DESI2: variants seen among roughly 807,000 people sequenced by gnomAD.
DESI2 encodes deubiquitinase DESI2.
Under a neutral mutation model 24.1 loss-of-function variants are expected in DESI2, and 10 were observed. That is an observed-to-expected ratio of 0.41 (90% CI 0.26 to 0.70). DESI2 has a LOEUF of 0.70. Ranked by LOEUF, DESI2 falls within the 30% of genes least tolerant of loss-of-function variation. DESI2 has a pLI of 0.29. For missense variants in DESI2, 122 were observed against 234.9 expected, an observed-to-expected ratio of 0.52 and a Z score of 3.14; for synonymous variants, 71 against 87.7, an observed-to-expected ratio of 0.81 and a Z score of 1.06.
chr1:244,657,932 G>A (rs1675704177), intron 1 of DESI2, among the ~76,000 whole-genome samples: 1 of 152,252 alleles, frequency 6.6e-6, no homozygotes, highest in Non-Finnish European at 1.5e-5. Context: ...AGCTGAGTAA[G>A]TGGATATCTG....
At chr1:244,665,747 G>A (rs1446130786) in intron 1 of DESI2, among the ~76,000 whole-genome samples, 1 of 152,206 alleles carries the variant, frequency 6.6e-6, no homozygotes, top group Admixed American at 6.5e-5. Context: ...TTTGGCTCCA[G>A]ACAAGCTGCA....
rs1677808582 is a variant in DESI2 at position 244,708,749 on chromosome 1, CTT to C, written c.*2962_*2963del. ...AGCTAGCCATACAACCATTGTATCT[CTT>C]TCTCTTCAGTATGGTTTAGAGCCCA... On this transcript the variant is annotated 3_prime_UTR_variant, in exon 5 of 5. Transcript: ENST00000302550. The C allele has an allele frequency of 6.6e-6, 1 of 152,624 alleles. No individual in the cohort carries two copies. The highest frequency in any genetic ancestry group is 1.5e-5 in the Non-Finnish European group (1 of 68,052). The allele number at this position is 152,624 out of a possible 1,614,324, so 9.5% of individuals were successfully genotyped here. A position where few individuals can be genotyped will look rare whatever the true frequency, so the allele number is the denominator to read the frequency against.
At position 244,696,745 on chromosome 1, in the gene DESI2, T is replaced by A. The variant is rs1473495795; in HGVS notation, c.351+4725T>A. On this transcript the variant is annotated intron_variant, in intron 4 of 4. Transcript: ENST00000302550. ...CTGCAGGATTGGTCCTGAGCTGGCA[T>A]CTGCGAGCTTGGACTTCTGTAAGGT... 2.0e-5 allele frequency among the ~76,000 whole-genome samples: 3 copies of A among 152,246 alleles called. No individual in the cohort carries two copies. The East Asian group carries it at 5.8e-4, about 29-fold the overall frequency.
chr1:244,680,355 C>T (rs538415842), intron 1 of DESI2, among the ~76,000 whole-genome samples: 1 of 151,898 alleles, frequency 6.6e-6, no homozygotes, highest in African/African-American at 2.4e-5. Context: ...GGGAGAATGG[C>T]TTGAGCCCTG....
intron 1 of DESI2, among the ~76,000 whole-genome samples, chr1:244,680,900 T>C (rs1187923616): frequency 6.6e-6 from 1 of 152,076 alleles, no homozygotes; most frequent in African/African-American, 2.4e-5. Flanking sequence ...TTCGTCTACT[T>C]GTACTAGCTG....
chr1:244,666,691 T>A (rs1262837757), intron 1 of DESI2, among the ~76,000 whole-genome samples: 2 of 152,174 alleles, frequency 1.3e-5, no homozygotes, highest in African/African-American at 4.8e-5. Context: ...AATACAGCAA[T>A]AAGGATTTTT....
Position 244,690,092 on chromosome 1 carries a change from T to C in DESI2, c.209+750T>C, listed in dbSNP as rs549356898. The stretch of plus-strand genomic sequence containing the variant: ...AATATAATTTTTTTTATTTATACTT[T>C]AAGTTCTAGGGTACATGTGCACAAC... On this transcript the variant is annotated intron_variant, in intron 3 of 4. Coordinates refer to ENST00000302550, the MANE Select transcript of DESI2 (RefSeq NM_016076.5). Among the ~76,000 whole-genome samples, 104 of 152,222 alleles carry C rather than the reference T, an allele frequency of 6.8e-4. 3 individuals are homozygous for C. Among genetic ancestry groups the C allele is most frequent in the Non-Finnish European group, 5.4e-4 (37 of 68,044 alleles).
chr1:244,697,419 A>G (rs998487213), intron 4 of DESI2, among the ~76,000 whole-genome samples: 7 of 151,172 alleles, frequency 4.6e-5, no homozygotes, highest in Non-Finnish European at 8.8e-5. Flanking sequence ...GGAAGTTACA[A>G]TGAGCTGAGA....
rs199643597 is a variant in DESI2, at chr1:244,686,264, GTA to G, written c.43-331_43-330del. ...GAAAGCACACTCTGTGTGTGTGTGT[GTA>G]TGTGTGTGTGTGTGTGTGTAAGTCA... On this transcript the variant is annotated intron_variant, in intron 1 of 4. Coordinates refer to ENST00000302550, the MANE Select transcript of DESI2 (RefSeq NM_016076.5). 5.5e-3 allele frequency among the ~76,000 whole-genome samples: 794 copies of G among 145,548 alleles called. 3 individuals are homozygous for G. Among genetic ancestry groups the G allele is most frequent in the Middle Eastern group, 0.01 (3 of 286 alleles).
intron 1 of DESI2, among the ~76,000 whole-genome samples, chr1:244,665,596 A>T (rs1676012747): frequency 6.6e-6 from 1 of 152,198 alleles, no homozygotes; most frequent in South Asian, 2.1e-4. Context: ...ACCAGTCTAG[A>T]TGTTGCTGCT....
At chr1:244,701,212 T>TCCCCCCCCCCC (rs1677442100) in intron 4 of DESI2, among the ~76,000 whole-genome samples, 3 of 57,720 alleles carry the variant, frequency 5.2e-5, no homozygotes, top group African/African-American at 3.6e-4. Context: ...CACCTTCCCC[T>TCCCCCCCCCCC]CCACCCCCCC....
At chr1:244,659,051 C>T (rs1289826736) in intron 1 of DESI2, among the ~76,000 whole-genome samples, 6 of 145,532 alleles carry the variant, frequency 4.1e-5, no homozygotes, top group African/African-American at 7.6e-5. Context: ...TTTTTTTAAA[C>T]GGTAAGGAAT....
At position 244,686,674 on chromosome 1, in the gene DESI2, G is replaced by GTGTA. The variant is rs764289352; in HGVS notation, c.115+6_115+9dup. 3.6e-5 allele frequency: 56 copies of GTGTA among 1,573,928 alleles called. No individual in the cohort carries two copies. The highest frequency in any genetic ancestry group is 4.6e-5 in the Non-Finnish European group (53 of 1,143,464). On this transcript the variant is annotated splice_donor_region_variant and intron_variant, in intron 2 of 4. Transcript: ENST00000302550. ...GAATTGAAGTCTATGGCAGAGGTAC[G>GTGTA]TGTACACACAGTCTAAATATACTCT...
intron 1 of DESI2, among the ~76,000 whole-genome samples, chr1:244,680,923 T>TA (rs886617158): frequency 6.7e-5 from 10 of 148,844 alleles, no homozygotes; most frequent in South Asian, 2.2e-4. Context: ...TGGCTTCTAT[T>TA]AAAAAAAGAG....
At chr1:244,701,183 G>C (rs1197169602) in intron 4 of DESI2, among the ~76,000 whole-genome samples, 3 of 126,228 alleles carry the variant, frequency 2.4e-5, no homozygotes, top group Non-Finnish European at 4.7e-5. Flanking sequence ...TACAGAGAAA[G>C]CCAAGGGCAT....
At chr1:244,681,774 CT>C (rs1463549268) in intron 1 of DESI2, among the ~76,000 whole-genome samples, 1 of 152,140 alleles carries the variant, frequency 6.6e-6, no homozygotes, top group African/African-American at 2.4e-5. Flanking sequence ...AAGTTAATTT[CT>C]TTTTTATTAT....
chr1:244,671,142 A>G (rs1397260583), intron 1 of DESI2, among the ~76,000 whole-genome samples: 1 of 152,232 alleles, frequency 6.6e-6, no homozygotes, highest in Non-Finnish European at 1.5e-5. Flanking sequence ...TTGTGGTAGC[A>G]TCTGGCTGCT....
Position 244,689,209 on chromosome 1 carries a change from A to G in DESI2, c.116-40A>G. The G allele has an allele frequency of 1.0e-6, 1 of 978,756 alleles. No individual in the cohort carries two copies. 60.6% of individuals were successfully genotyped at this position (978,756 alleles called of 1,614,324 possible). On this transcript the variant is annotated intron_variant, in intron 2 of 4. Coordinates refer to ENST00000302550, the MANE Select transcript of DESI2 (RefSeq NM_016076.5). This position sits in a 1 kb window ranked among gnomAD's most constrained non-coding sequence, Gnocchi z 4.0. ...TAATTCAGCATTCTGGTTAAATTTT[A>G]TGTGATACATACTAAAAATCATGAG...
At chr1:244,675,127 T>G (rs1013513522) in intron 1 of DESI2, among the ~76,000 whole-genome samples, 2 of 152,170 alleles carry the variant, frequency 1.3e-5, no homozygotes, top group Middle Eastern at 3.2e-3. Context: ...TTTAGATCCT[T>G]TGCCCATTTT....
Sources: allele counts gnomAD v4.1 joint callset (sites outside exome capture counted in the v4.1 genomes callset), GRCh38; gene constraint gnomAD v4.1.1; non-coding constraint Gnocchi (gnomAD v3.1); transcripts MANE v1.5; gene names NCBI Gene and HGNC (gene_info 2026-07-23, HGNC 2026-07-21).